SSH2: variants seen among roughly 807,000 people sequenced by gnomAD.
SSH2 encodes protein phosphatase Slingshot homolog 2.
Under a neutral mutation model 135.2 loss-of-function variants are expected in SSH2, and 37 were observed. The ratio of observed to expected loss-of-function variants is 0.27; its 90% CI spans 0.21 to 0.36. The LOEUF (loss-of-function observed/expected upper bound fraction) is 0.36, where lower values mean the gene tolerates loss of function less well. Among genes scored for constraint, SSH2 ranks in the 10% least tolerant of loss-of-function variants. The pLI is 1.00. For missense variants in SSH2, 1,408 were observed against 1,765.3 expected (o/e 0.80, Z 3.63); for synonymous variants, 628 against 646.2 (o/e 0.97, Z 0.43).
intron 13 of SSH2, 71 bp downstream of exon 13, chr17:29,650,583 C>T: frequency 1.4e-6 from 2 of 1,471,028 alleles, no homozygotes; most frequent in African/African-American, 1.4e-5. Context: ...GTCTATAGCC[C>T]TCAGGACCCA....
At chr17:29,692,316 T>TTTTGTATTTTTA (rs2038520147) in intron 5 of SSH2, among the ~76,000 whole-genome samples, 1 of 152,202 alleles carries the variant, frequency 6.6e-6, no homozygotes, top group African/African-American at 2.4e-5. Flanking sequence ...AGTGCTAATT[T>TTTTGTATTTTTA]GTCCAAAGTC....
chr17:29,686,572 G>C (rs1218694024), intron 5 of SSH2, among the ~76,000 whole-genome samples: 1 of 149,972 alleles, frequency 6.7e-6, no homozygotes, highest in Non-Finnish European at 1.5e-5. Flanking sequence ...GTTTCACCAT[G>C]TTGCCCAGGC....
At chr17:29,801,466 G>A (rs1051800219) in intron 2 of SSH2, among the ~76,000 whole-genome samples, 1 of 152,062 alleles carries the variant, frequency 6.6e-6, no homozygotes. Flanking sequence ...TGTTCATGCT[G>A]TTGTATCAAC....
chr17:29,635,398 A>G (rs2035860983), intron 15 of SSH2, among the ~76,000 whole-genome samples: 1 of 151,760 alleles, frequency 6.6e-6, no homozygotes, highest in Non-Finnish European at 1.5e-5. Context: ...TTAACTGCGT[A>G]TCTTTGGACT....
chr17:29,654,362 G>A (rs1039424082), intron 12 of SSH2, among the ~76,000 whole-genome samples: 2 of 150,876 alleles, frequency 1.3e-5, no homozygotes, highest in African/African-American at 4.9e-5. Context: ...CCCACCCCCC[G>A]GAATTCTTTG....
chr17:29,769,804 T>G (rs2151270801), intron 3 of SSH2, among the ~76,000 whole-genome samples: 1 of 152,270 alleles, frequency 6.6e-6, no homozygotes, highest in East Asian at 1.9e-4. Context: ...CTAAATTCAG[T>G]TTGACTAATC....
intron 1 of SSH2, among the ~76,000 whole-genome samples, chr17:29,916,455 T>A (rs7210288): frequency 6.8e-6 from 1 of 147,282 alleles, no homozygotes; most frequent in Non-Finnish European, 1.5e-5. Flanking sequence ...TTGTTAAAGA[T>A]TTTTTTTTTC....
intron 3 of SSH2, among the ~76,000 whole-genome samples, chr17:29,752,498 C>G (rs1209790430): frequency 1.3e-5 from 2 of 151,770 alleles, no homozygotes; most frequent in Non-Finnish European, 2.9e-5. Context: ...TAGATTTTTC[C>G]CTCACACTAT....
chr17:29,865,521 C>T (rs1415764151), intron 1 of SSH2, among the ~76,000 whole-genome samples: 1 of 152,138 alleles, frequency 6.6e-6, no homozygotes, highest in Admixed American at 6.5e-5. Context: ...ACTTCTAACC[C>T]TAGTTTAAGG....
intron 1 of SSH2, chr17:29,864,303 C>CTCAA (rs1555535658): frequency 7.0e-6 from 1 of 142,478 alleles, no homozygotes; most frequent in Non-Finnish European, 1.5e-5. Flanking sequence ...AAAACTCCAT[C>CTCAA]TAAATAAATA....
intron 2 of SSH2, among the ~76,000 whole-genome samples, chr17:29,805,398 G>A (rs1406486236): frequency 3.3e-5 from 5 of 151,802 alleles, no homozygotes; most frequent in South Asian, 2.1e-4. Flanking sequence ...CTCGTGATCC[G>A]CTCACCTCAG....
intron 1 of SSH2, among the ~76,000 whole-genome samples, chr17:29,919,769 T>G (rs1394787786): frequency 1.3e-5 from 2 of 152,104 alleles, no homozygotes; most frequent in East Asian, 3.8e-4. Context: ...TGTTTTTTTT[T>G]TTTAATGGAT....
chr17:29,696,763 C>T (rs541014177), intron 4 of SSH2, among the ~76,000 whole-genome samples: 36 of 150,650 alleles, frequency 2.4e-4, no homozygotes, highest in African/African-American at 7.8e-4. Flanking sequence ...CTCTGCTCTG[C>T]AAGCTCCGCC....
intron 5 of SSH2, among the ~76,000 whole-genome samples, chr17:29,688,050 G>A (rs866919692): frequency 3.7e-4 from 55 of 149,232 alleles, no homozygotes; most frequent in African/African-American, 1.3e-3. Flanking sequence ...TCACTCTATC[G>A]CCCAGGCTGG....
chr17:29,835,788 T>C (rs1484075137), intron 2 of SSH2, among the ~76,000 whole-genome samples: 1 of 151,952 alleles, frequency 6.6e-6, no homozygotes, highest in Non-Finnish European at 1.5e-5. Context: ...GGGCTCTCCT[T>C]AAAGAAACAT....
chr17:29,883,805 G>C (rs1387215565), intron 1 of SSH2, among the ~76,000 whole-genome samples: 1 of 151,990 alleles, frequency 6.6e-6, no homozygotes, highest in Non-Finnish European at 1.5e-5. Flanking sequence ...TTTCCCCACT[G>C]CCATTACTTT....
intron 2 of SSH2, among the ~76,000 whole-genome samples, chr17:29,848,305 T>C (rs971919643): frequency 1.3e-5 from 2 of 152,176 alleles, no homozygotes; most frequent in African/African-American, 4.8e-5. Flanking sequence ...ATAAGTAAAA[T>C]TTATAACATC....
chr17:29,658,553 A>G (rs554290040), intron 11 of SSH2, among the ~76,000 whole-genome samples: 2 of 152,264 alleles, frequency 1.3e-5, no homozygotes, highest in East Asian at 3.9e-4. Flanking sequence ...TTATGTGATT[A>G]AAAGTCAAAA....
intron 2 of SSH2, among the ~76,000 whole-genome samples, chr17:29,815,518 C>T (rs2042542907): frequency 6.6e-6 from 1 of 152,188 alleles, no homozygotes; most frequent in African/African-American, 2.4e-5. Context: ...GCCTCGGCCT[C>T]CCGAAGTGCT....
Sources: gnomAD v4.1 joint callset for allele counts (sites outside exome capture counted in the v4.1 genomes callset) on GRCh38, gnomAD v4.1.1 for gene constraint, MANE v1.5 for transcripts, NCBI Gene and HGNC (gene_info 2026-07-23, HGNC 2026-07-21) for gene names.